Variants in CBLN2 observed in about 807,000 individuals in gnomAD.
CBLN2 encodes the protein cerebellin 2 precursor.
CBLN2 carries 7 observed loss-of-function variants against 15.0 expected under a neutral mutation model. The observed-to-expected ratio is 0.47, with a 90% CI of 0.27 to 0.88. The LOEUF (loss-of-function observed/expected upper bound fraction) is 0.88. Ranked by LOEUF, CBLN2 falls within the 40% of genes least tolerant of loss-of-function variation. The pLI, the probability that CBLN2 is intolerant of heterozygous loss-of-function variation, is 0.14. For synonymous variants in CBLN2, 149 were observed against 135.2 expected (o/e 1.10, Z -0.71); for missense variants, 242 against 304.5 (o/e 0.79, Z 1.53).
rs2069077541 is a variant in CBLN2, at chr18:72,537,877, C to A, written c.*299G>T. On this transcript the variant is annotated 3_prime_UTR_variant, in exon 5 of 5. Coordinates refer to ENST00000269503, the MANE Select transcript of CBLN2 (RefSeq NM_182511.4). ...AAACAAAAGAGGTCCATGGTCCCAA[C>A]AATAAAATCCGATATTGACTTTACA... 1.9e-5 allele frequency: 8 copies of A among 420,578 alleles called. No homozygotes were observed. The highest frequency in any genetic ancestry group is 1.0e-4 in the South Asian group (4 of 39,780). 26.1% of individuals were successfully genotyped at this position (420,578 alleles called of 1,614,324 possible). A position where few individuals can be genotyped will look rare whatever the true frequency, so the allele number is the denominator to read the frequency against.
At chr18:72,609,209 G>T (rs76695911) in intron 1 of CBLN2, among the ~76,000 whole-genome samples, 308 of 152,242 alleles carry the variant, frequency 2.0e-3, no homozygotes, top group African/African-American at 7.1e-3. Context: ...GTTATGGGAT[G>T]AATTAATAGA....
chr18:72,598,849 G>A (rs574283948), intron 1 of CBLN2, among the ~76,000 whole-genome samples: 9 of 152,286 alleles, frequency 5.9e-5, no homozygotes, highest in Admixed American at 2.0e-4. Flanking sequence ...GAGTTCCAGT[G>A]CAAAGTCCCA....
intron 1 of CBLN2, among the ~76,000 whole-genome samples, chr18:72,587,404 T>G (rs183011012): frequency 1.1e-4 from 17 of 152,240 alleles, no homozygotes; most frequent in African/African-American, 4.1e-4. Context: ...AAAGAATAAT[T>G]TATTGCAGGG....
chr18:72,600,274 C>T (rs928004557), intron 1 of CBLN2, among the ~76,000 whole-genome samples: 39 of 151,924 alleles, frequency 2.6e-4, no homozygotes, highest in African/African-American at 9.2e-4. Flanking sequence ...TGGGGTGTGT[C>T]GAGTAGGTTT....
At chr18:72,538,498 T>A (rs972733385) in intron 4 of CBLN2, 125 bp from the exon 5 acceptor site, 3 of 1,418,888 alleles carry the variant, frequency 2.1e-6, no homozygotes, top group Non-Finnish European at 2.9e-6. Context: ...CAGGGGAGCC[T>A]GACAGTGAGC....
At position 72,577,525 on chromosome 18, in the gene CBLN2, A is replaced by G. The variant is rs115749922; in HGVS notation, c.16-38753T>C. Among the ~76,000 whole-genome samples, 1,481 of 152,306 alleles carry G rather than the reference A, an allele frequency of 9.7e-3. 28 individuals carry two copies. Among genetic ancestry groups the G allele is most frequent in the African/African-American group, 0.034 (1,394 of 41,558 alleles). On this transcript the variant is annotated intron_variant, in intron 1 of 2. Coordinates refer to the CBLN2 transcript ENST00000581073. ...TCCCATTTGAATGTGAGCTTCAGCAATTGAGAAAAACAATTGCAGGGATTT... is the reference window on the plus strand; with the variant it reads ...TCCCATTTGAATGTGAGCTTCAGCAGTTGAGAAAAACAATTGCAGGGATTT...
At chr18:72,548,005 G>A (rs2069169271), upstream of CBLN2, among the ~76,000 whole-genome samples, 1 of 152,174 alleles carries the variant, frequency 6.6e-6, no homozygotes, top group African/African-American at 2.4e-5. Flanking sequence ...AGATCATAGG[G>A]TACGATGAAT....
chr18:72,554,718 G>T (rs2069213573), intron 1 of CBLN2, among the ~76,000 whole-genome samples: 2 of 151,816 alleles, frequency 1.3e-5, no homozygotes, highest in African/African-American at 4.8e-5. Context: ...AATACGCTTA[G>T]CCAAAATTTC....
chr18:72,552,935 ATTG>A (rs1444426625), intron 1 of CBLN2, among the ~76,000 whole-genome samples: 2 of 152,300 alleles, frequency 1.3e-5, no homozygotes, highest in East Asian at 3.9e-4. Context: ...TAGGCAAGAG[ATTG>A]TTATTACTAT....
chr18:72,614,477 T>C (rs546894957), intron 1 of CBLN2, among the ~76,000 whole-genome samples: 28 of 152,306 alleles, frequency 1.8e-4, no homozygotes, highest in African/African-American at 6.5e-4. Context: ...TTTTTTGGTG[T>C]ACATTAGGAC....
Position 72,538,090 on chromosome 18 carries a change from T to G in CBLN2, c.*86A>C, listed in dbSNP as rs1230796878. The G allele has an allele frequency of 1.3e-5, 17 of 1,346,538 alleles. No homozygotes were observed. In the East Asian group the frequency reaches 3.2e-4, roughly 26 times the overall value. The allele number at this position is 1,346,538 out of a possible 1,614,324, so 83.4% of individuals were successfully genotyped here. A position where few individuals can be genotyped will look rare whatever the true frequency, so the allele number is the denominator to read the frequency against. ...TCTGACGGAGGTTGGAAACAAGGTGTCCAATTCCAGTAAGTTCAGGGTGTT... is the reference window on the plus strand; with the variant it reads ...TCTGACGGAGGTTGGAAACAAGGTGGCCAATTCCAGTAAGTTCAGGGTGTT... On this transcript the variant is annotated 3_prime_UTR_variant, in exon 5 of 5. Coordinates refer to ENST00000269503, the MANE Select transcript of CBLN2 (RefSeq NM_182511.4).
intron 1 of CBLN2, among the ~76,000 whole-genome samples, chr18:72,607,417 T>A (rs28571122): frequency 0.13 from 19,769 of 152,192 alleles, 3,029 homozygotes; most frequent in African/African-American, 0.37. Context: ...AATGAGCATC[T>A]TTTCTAAGGA....
rs535498822 is a variant in CBLN2, at chr18:72,542,218, G to A, written c.-58C>T. The A allele has an allele frequency of 1.6e-5, 18 of 1,124,374 alleles. No homozygotes were observed. In the South Asian group the frequency reaches 3.6e-4, roughly 22 times the overall value. 69.6% of individuals were successfully genotyped at this position (1,124,374 alleles called of 1,614,324 possible). A position where few individuals can be genotyped will look rare whatever the true frequency, so the allele number is the denominator to read the frequency against. ...AGGCCGGCGCCGGCGCGAGCGGCGC[G>A]GAAGGGCGCGAAGGAACGCGCGGAG... On this transcript the variant is annotated 5_prime_UTR_variant, in exon 3 of 5. Transcript: ENST00000269503.
chr18:72,572,960 A>G (rs999915256), intron 1 of CBLN2, among the ~76,000 whole-genome samples: 4 of 152,198 alleles, frequency 2.6e-5, no homozygotes, highest in Non-Finnish European at 5.9e-5. Context: ...TAAATTCCAA[A>G]ACAGATTATC....
chr18:72,599,447 G>A (rs1181517500), intron 1 of CBLN2, among the ~76,000 whole-genome samples: 1 of 152,106 alleles, frequency 6.6e-6, no homozygotes, highest in Non-Finnish European at 1.5e-5. Context: ...AAATAAATGT[G>A]TATATAAAGG....
chr18:72,551,203 T>C (rs939204253), intron 1 of CBLN2, among the ~76,000 whole-genome samples: 19 of 152,266 alleles, frequency 1.2e-4, no homozygotes, highest in African/African-American at 4.1e-4. Flanking sequence ...TGTATCTTCA[T>C]ACTCACTTTC....
At chr18:72,571,571 T>C (rs1464865849) in intron 1 of CBLN2, among the ~76,000 whole-genome samples, 1 of 152,194 alleles carries the variant, frequency 6.6e-6, no homozygotes, top group East Asian at 1.9e-4. Context: ...CTTTGACAAT[T>C]AGCTGTACAT....
intron 1 of CBLN2, among the ~76,000 whole-genome samples, chr18:72,632,673 T>C (rs1376859982): frequency 1.3e-5 from 2 of 152,186 alleles, no homozygotes; most frequent in Non-Finnish European, 1.5e-5. Context: ...CTTAACATGA[T>C]AGAAATAAAC....
At position 72,543,779 on chromosome 18, in the gene CBLN2, C is replaced by T. The variant is rs924076932; in HGVS notation, c.-212+198G>A. Reference sequence around the variant, plus strand: ...CCAGGTGCCTCCAACCCCTGGGCTTCGCGCCCGCACCGCTGCCTGGGGCCC... The same window carrying T: ...CCAGGTGCCTCCAACCCCTGGGCTTTGCGCCCGCACCGCTGCCTGGGGCCC... On this transcript the variant is annotated intron_variant, in intron 1 of 4. Transcript: ENST00000269503. The surrounding 1 kb of genome is among the most constrained non-coding windows in gnomAD (Gnocchi z 6.8). 1.3e-5 allele frequency among the ~76,000 whole-genome samples: 2 copies of T among 151,870 alleles called. No homozygotes were observed. Among genetic ancestry groups the T allele is most frequent in the Non-Finnish European group, 2.9e-5 (2 of 67,940 alleles).
Sources: allele counts gnomAD v4.1 joint callset (sites outside exome capture counted in the v4.1 genomes callset), GRCh38; gene constraint gnomAD v4.1.1; non-coding constraint Gnocchi (gnomAD v3.1); transcripts MANE v1.5; gene names NCBI Gene and HGNC (gene_info 2026-07-23, HGNC 2026-07-21).